Variants in RBFOX1 observed in about 807,000 individuals in gnomAD.
RBFOX1 encodes the protein RNA binding fox-1 homolog 1.
RBFOX1 carries 8 observed loss-of-function variants against 57.7 expected under a neutral mutation model. The ratio of observed to expected loss-of-function variants is 0.14; its 90% CI spans 0.08 to 0.25. RBFOX1 has a LOEUF of 0.25. Among genes scored for constraint, RBFOX1 ranks in the 10% least tolerant of loss-of-function variants. RBFOX1 has a pLI of 1.00. For missense variants in RBFOX1, 611 were observed against 548.5 expected (o/e 1.11, Z -1.14); for synonymous variants, 326 against 222.4 (o/e 1.47, Z -4.15).
intron 4 of RBFOX1, among the ~76,000 whole-genome samples, chr16:7,395,323 T>C (rs2098123072): frequency 6.6e-6 from 1 of 152,264 alleles, no homozygotes; most frequent in Non-Finnish European, 1.5e-5. Flanking sequence ...GTCATCACTT[T>C]ACTTAGAAAC....
chr16:5,813,345 A>T (rs1042256290), intron 3 of RBFOX1, among the ~76,000 whole-genome samples: 9 of 152,176 alleles, frequency 5.9e-5, no homozygotes, highest in African/African-American at 2.2e-4. Context: ...ATGGTTCCAG[A>T]ACTTTTTCGT....
At chr16:6,547,918 C>T (rs975780905) in intron 2 of RBFOX1, among the ~76,000 whole-genome samples, 15 of 152,174 alleles carry the variant, frequency 9.9e-5, no homozygotes, top group Non-Finnish European at 1.6e-4. Context: ...CCCCAGACTG[C>T]AAGCGAGGCT....
At chr16:6,326,682 G>A (rs2082407964) in intron 2 of RBFOX1, among the ~76,000 whole-genome samples, 3 of 151,994 alleles carry the variant, frequency 2.0e-5, no homozygotes, top group Admixed American at 2.0e-4. Flanking sequence ...AGCTGCTAAT[G>A]CATTAATAAC....
chr16:7,109,303 C>T (rs2064197447), intron 4 of RBFOX1, among the ~76,000 whole-genome samples: 1 of 152,156 alleles, frequency 6.6e-6, no homozygotes, highest in Non-Finnish European at 1.5e-5. Context: ...CCCCTTCTCC[C>T]TTGACCATGC....
At chr16:6,679,078 G>A (rs2058217613) in intron 3 of RBFOX1, among the ~76,000 whole-genome samples, 1 of 151,962 alleles carries the variant, frequency 6.6e-6, no homozygotes, top group African/African-American at 2.4e-5. Flanking sequence ...TAATCTTTTT[G>A]AACAGAGAGA....
chr16:7,454,809 T>C (rs1417045399), intron 4 of RBFOX1, among the ~76,000 whole-genome samples: 3 of 152,196 alleles, frequency 2.0e-5, no homozygotes, highest in Non-Finnish European at 4.4e-5. Flanking sequence ...CTCTTGACCT[T>C]CTGGGTCCTG....
chr16:7,031,651 G>A (rs1214062470), intron 3 of RBFOX1, among the ~76,000 whole-genome samples: 6 of 152,180 alleles, frequency 3.9e-5, no homozygotes, highest in East Asian at 1.9e-4. Context: ...ACATCGGGCA[G>A]ATGTGATGAA....
chr16:5,765,649 T>C (rs1445730204), intron 3 of RBFOX1, among the ~76,000 whole-genome samples: 1 of 152,160 alleles, frequency 6.6e-6, no homozygotes, highest in Non-Finnish European at 1.5e-5. Context: ...TATGGTACTT[T>C]TTTGCAATTC....
chr16:6,957,569 C>G (rs1401241289), intron 3 of RBFOX1, among the ~76,000 whole-genome samples: 2 of 152,064 alleles, frequency 1.3e-5, no homozygotes, highest in African/African-American at 4.8e-5. Flanking sequence ...TCATCACCAT[C>G]TTGGTTTTGG....
chr16:6,318,870 T>C (rs1400960218), intron 2 of RBFOX1, among the ~76,000 whole-genome samples: 2 of 151,952 alleles, frequency 1.3e-5, no homozygotes, highest in African/African-American at 4.8e-5. Flanking sequence ...GGGATGTTTA[T>C]GGGTATTGAT....
intron 3 of RBFOX1, among the ~76,000 whole-genome samples, chr16:7,036,465 C>G (rs571144931): frequency 6.6e-6 from 1 of 152,070 alleles, no homozygotes; most frequent in Admixed American, 6.6e-5. Context: ...AATCTCAATA[C>G]TTTGGGAGGC....
At chr16:6,027,537 C>T (rs550189324) in intron 1 of RBFOX1, among the ~76,000 whole-genome samples, 2 of 152,248 alleles carry the variant, frequency 1.3e-5, no homozygotes, top group Non-Finnish European at 2.9e-5. Flanking sequence ...CAGTCCATCC[C>T]TACAAATGGA....
intron 1 of RBFOX1, among the ~76,000 whole-genome samples, chr16:6,288,584 C>G (rs1344475): frequency 6.6e-6 from 1 of 152,138 alleles, no homozygotes; most frequent in Admixed American, 6.5e-5. Context: ...GGCTGAAAAC[C>G]TGAAACTCAG....
intron 2 of RBFOX1, among the ~76,000 whole-genome samples, chr16:6,454,860 G>GTTTT (rs869038635): frequency 3.2e-4 from 5 of 15,472 alleles, no homozygotes; most frequent in Admixed American, 1.3e-3. Flanking sequence ...TCATATACAG[G>GTTTT]TTTTTTTTTT....
At chr16:5,504,955 G>T (rs1396189326) in intron 2 of RBFOX1, among the ~76,000 whole-genome samples, 2 of 152,180 alleles carry the variant, frequency 1.3e-5, no homozygotes, top group Non-Finnish European at 2.9e-5. Context: ...TGTCCTAGGG[G>T]CTGGGGACGA....
chr16:7,578,489 A>T (rs1362280218), intron 5 of RBFOX1, among the ~76,000 whole-genome samples: 2 of 152,196 alleles, frequency 1.3e-5, no homozygotes, highest in Non-Finnish European at 2.9e-5. Context: ...TCCAGTACAT[A>T]CCAGGGCTGA....
intron 2 of RBFOX1, among the ~76,000 whole-genome samples, chr16:6,631,833 A>G (rs76607622): frequency 0.026 from 3,914 of 152,036 alleles, 177 homozygotes; most frequent in African/African-American, 0.089. Flanking sequence ...GGGTGCATGC[A>G]AACACCCCAA....
At chr16:7,623,808 C>A (rs2059673727) in intron 10 of RBFOX1, among the ~76,000 whole-genome samples, 1 of 152,174 alleles carries the variant, frequency 6.6e-6, no homozygotes, top group Admixed American at 6.5e-5. Context: ...AGATGACCAT[C>A]TTTTCTCTGT....
intron 4 of RBFOX1, among the ~76,000 whole-genome samples, chr16:7,266,076 G>A (rs977718117): frequency 3.5e-5 from 5 of 142,188 alleles, no homozygotes; most frequent in Admixed American, 1.5e-4. Context: ...CCAGGTTCAC[G>A]CCATTCTCCT....
Sources: allele counts gnomAD v4.1 joint callset (sites outside exome capture counted in the v4.1 genomes callset), GRCh38; gene constraint gnomAD v4.1.1; transcripts MANE v1.5; gene names NCBI Gene and HGNC (gene_info 2026-07-23, HGNC 2026-07-21).